The following UNC13C variants were observed in gnomAD, a reference collection of about 807,000 sequenced individuals.
UNC13C encodes protein unc-13 homolog C.
A neutral mutation model predicts 245.4 loss-of-function variants in UNC13C; 174 were observed. The observed-to-expected ratio is 0.71, with a 90% CI of 0.63 to 0.80. The LOEUF (loss-of-function observed/expected upper bound fraction) is 0.80. Ranked by LOEUF, UNC13C falls within the 30% of genes least tolerant of loss-of-function variation. The pLI is 0.00. For synonymous variants in UNC13C, 992 were observed against 895.1 expected (o/e 1.11, Z -1.93); for missense variants, 2,829 against 2,602.9 (o/e 1.09, Z -1.89).
At chr15:54,183,621 T>C (rs1480536334) in intron 4 of UNC13C, among the ~76,000 whole-genome samples, 1 of 152,050 alleles carries the variant, frequency 6.6e-6, no homozygotes, top group Admixed American at 6.6e-5. Context: ...AGGGCATTTA[T>C]AGAACTGAAG....
intron 19 of UNC13C, among the ~76,000 whole-genome samples, chr15:54,439,383 A>G (rs189355337): frequency 2.8e-4 from 42 of 152,142 alleles, no homozygotes; most frequent in Admixed American, 2.5e-3. Flanking sequence ...TAAAATATAT[A>G]AAATAGGATA....
rs141804463 is a variant in UNC13C at position 54,258,945 on chromosome 15, T to G, written c.3449-5223T>G. Among the ~76,000 whole-genome samples the G allele has an allele frequency of 5.2e-3, 785 of 152,236 alleles. 10 individuals carry two copies. Among genetic ancestry groups the G allele is most frequent in the Non-Finnish European group, 5.5e-3 (377 of 68,010 alleles). ...TGGGGGGCTTATAAACAACATAAATTTATTACCCACAGTTCTGAAGGTAGA... is the reference window on the plus strand; with the variant it reads ...TGGGGGGCTTATAAACAACATAAATGTATTACCCACAGTTCTGAAGGTAGA... On this transcript the variant is annotated intron_variant, in intron 8 of 32. Transcript: ENST00000260323.
intron 4 of UNC13C, among the ~76,000 whole-genome samples, chr15:54,170,812 A>G (rs1213751303): frequency 1.3e-5 from 2 of 152,178 alleles, no homozygotes; most frequent in African/African-American, 4.8e-5. Flanking sequence ...TCTTTCGCAG[A>G]TACCTAAAAA....
At chr15:54,206,826 C>T (rs139554455) in intron 4 of UNC13C, among the ~76,000 whole-genome samples, 5 of 152,040 alleles carry the variant, frequency 3.3e-5, no homozygotes, top group Admixed American at 1.3e-4. Context: ...CGAAGTGAAA[C>T]TGTACGTCAA....
chr15:54,614,962 T>C (rs1276366107), intron 30 of UNC13C, among the ~76,000 whole-genome samples: 1 of 152,038 alleles, frequency 6.6e-6, no homozygotes, highest in East Asian at 1.9e-4. Flanking sequence ...CTGAAGATAG[T>C]ATCTTTTTCT....
chr15:54,494,636 C>A lies in UNC13C; in HGVS notation c.4962C>A (p.Ser1654Arg). 6.2e-7 allele frequency: 1 copy of A among 1,609,920 alleles called. No homozygotes were observed. The highest frequency in any genetic ancestry group is 8.5e-7 in the Non-Finnish European group (1 of 1,178,126). ...EEHENQRLCK[S>R]TDYMNLHFKV... The stretch of plus-strand genomic sequence containing the variant: ...ATGAAAATCAGCGGTTATGCAAGAG[C>A]ACCGATTATATGAATTTGCATTTCA... Residue 1654 changes from serine (S) to arginine (R), a missense_variant, in exon 20 of 33, where the codon AGC (serine) becomes AGA (arginine). Coordinates refer to ENST00000260323, the MANE Select transcript of UNC13C (RefSeq NM_001080534.3).
intron 24 of UNC13C, among the ~76,000 whole-genome samples, chr15:54,515,580 A>T (rs975333267): frequency 1.3e-5 from 2 of 152,190 alleles, no homozygotes; most frequent in African/African-American, 4.8e-5. Context: ...GTTATAAGAT[A>T]TGCATTTTGA....
chr15:54,354,111 T>G (rs948580051), intron 17 of UNC13C, among the ~76,000 whole-genome samples: 50 of 152,018 alleles, frequency 3.3e-4, no homozygotes, highest in African/African-American at 1.1e-3. Flanking sequence ...GAGGCTCCCA[T>G]CAATTAGGAA....
intron 10 of UNC13C, among the ~76,000 whole-genome samples, chr15:54,274,059 A>G (rs2036764604): frequency 6.6e-6 from 1 of 151,784 alleles, no homozygotes; most frequent in South Asian, 2.1e-4. Context: ...AAGACACATG[A>G]TTTTTTTTGC....
intron 2 of UNC13C, among the ~76,000 whole-genome samples, chr15:54,142,019 G>T (rs1054635893): frequency 1.3e-5 from 2 of 152,126 alleles, no homozygotes; most frequent in African/African-American, 2.4e-5. Context: ...GTAAACTCCA[G>T]TGTCACTCCA....
intron 30 of UNC13C, among the ~76,000 whole-genome samples, chr15:54,573,433 T>C (rs973746287): frequency 3.9e-5 from 6 of 152,194 alleles, no homozygotes; most frequent in African/African-American, 1.4e-4. Context: ...AAATCCAAAA[T>C]GGATGTAGAA....
chr15:53,877,324 C>G, the UNC13C span, among the ~76,000 whole-genome samples: 3 of 152,118 alleles, frequency 2.0e-5, no homozygotes, highest in Non-Finnish European at 2.9e-5. Flanking sequence ...CCCCATCCAG[C>G]CCTTCAATGC....
intron 20 of UNC13C, among the ~76,000 whole-genome samples, chr15:54,495,194 A>G (rs1893896333): frequency 6.6e-6 from 1 of 152,048 alleles, no homozygotes; most frequent in African/African-American, 2.4e-5. Context: ...ACACATTTTA[A>G]TCACACAAGG....
At chr15:54,332,305 C>CTGTGTG (rs34179914) in intron 15 of UNC13C, among the ~76,000 whole-genome samples, 194 bp downstream of exon 15, 11,826 of 145,600 alleles carry the variant, frequency 0.081, 525 homozygotes, top group East Asian at 0.15. Flanking sequence ...CAACAATACT[C>CTGTGTG]TGTGTGTGTG....
intron 1 of UNC13C, among the ~76,000 whole-genome samples, chr15:54,011,801 G>T (rs935925633): frequency 6.6e-6 from 1 of 152,146 alleles, no homozygotes; most frequent in South Asian, 2.1e-4. Flanking sequence ...GCCAGAACAT[G>T]TATCCCCAAA....
intron 7 of UNC13C, among the ~76,000 whole-genome samples, chr15:54,240,488 A>G (rs926221899): frequency 6.6e-6 from 1 of 152,200 alleles, no homozygotes; most frequent in East Asian, 1.9e-4. Context: ...TACCACTTCT[A>G]TTTTAATTAA....
chr15:54,169,029 T>C (rs2033287728), intron 4 of UNC13C, among the ~76,000 whole-genome samples: 1 of 152,212 alleles, frequency 6.6e-6, no homozygotes, highest in Non-Finnish European at 1.5e-5. Flanking sequence ...AATAGATCCC[T>C]GCTGATAAAG....
chr15:54,229,270 G>T (rs144529935), intron 4 of UNC13C, among the ~76,000 whole-genome samples: 1 of 152,272 alleles, frequency 6.6e-6, no homozygotes, highest in Non-Finnish European at 1.5e-5. Flanking sequence ...GTGTCATTCC[G>T]ATTCTCTCCA....
At chr15:54,247,429 A>G (rs1303669504) in intron 7 of UNC13C, among the ~76,000 whole-genome samples, 1 of 152,156 alleles carries the variant, frequency 6.6e-6, no homozygotes, top group African/African-American at 2.4e-5. Context: ...CTATTATGAG[A>G]TTATTTTTAT....
Sources: allele counts gnomAD v4.1 joint callset (sites outside exome capture counted in the v4.1 genomes callset), GRCh38; gene constraint gnomAD v4.1.1; transcripts MANE v1.5; gene names NCBI Gene and HGNC (gene_info 2026-07-23, HGNC 2026-07-21).